Variants in MIA2 observed in about 807,000 individuals in gnomAD.
MIA2 encodes MIA SH3 domain ER export factor 2.
A neutral mutation model predicts 167.8 loss-of-function variants in MIA2; 127 were observed. The ratio of observed to expected loss-of-function variants is 0.76; its 90% confidence interval spans 0.66 to 0.88. The LOEUF is 0.88. Ranked by LOEUF, MIA2 falls within the 40% of genes least tolerant of loss-of-function variation. The probability of loss-of-function intolerance (pLI) is 0.00; values close to 1 mark genes in which losing one functional copy is unlikely to be tolerated. For synonymous variants in MIA2, 552 were observed against 541.9 expected, an observed-to-expected ratio of 1.02 and a Z score of -0.26; for missense variants, 1,690 against 1,624.7, an observed-to-expected ratio of 1.04 and a Z score of -0.69.
Position 39,318,395 on chromosome 14 carries a change from C to T in MIA2, c.3284+384C>T, listed in dbSNP as rs115732534. On this transcript the variant is annotated intron_variant, in intron 22 of 28. Transcript: ENST00000640607. ...TAATATTCATTAATTTCTCTCATTT[C>T]CTGGTTTTGTAGTATTGGGTGACAT... 7.0e-3 allele frequency among the ~76,000 whole-genome samples: 1,058 copies of T among 152,084 alleles called. 8 individuals are homozygous for T. The highest frequency in any genetic ancestry group is 0.019 in the African/African-American group (806 of 41,504).
At chr14:39,328,258 A>G (rs964546288) in intron 25 of MIA2, among the ~76,000 whole-genome samples, 15 of 152,176 alleles carry the variant, frequency 9.9e-5, no homozygotes, top group African/African-American at 3.4e-4. Context: ...TTGGCTGCAT[A>G]AATGTCTTCT....
intron 19 of MIA2, 38 bp downstream of exon 19, chr14:39,313,479 G>A: frequency 8.4e-7 from 1 of 1,189,492 alleles, no homozygotes. Flanking sequence ...TTTTGGAATG[G>A]GAAGAGTATC....
exon 24 of MIA2, chr14:39,387,012 G>A: frequency 1.3e-6 from 1 of 747,094 alleles, no homozygotes; most frequent in Non-Finnish European, 2.3e-6. Context: ...CTGTTCAAGT[G>A]GAACAGAAGC....
At chr14:39,241,766 G>A (rs924056454) in intron 3 of MIA2, among the ~76,000 whole-genome samples, 1 of 152,162 alleles carries the variant, frequency 6.6e-6, no homozygotes, top group African/African-American at 2.4e-5. Flanking sequence ...GCCCTTTAGT[G>A]GCTTTTCACT....
chr14:39,349,416 A>G (rs1299541928), intron 28 of MIA2, among the ~76,000 whole-genome samples: 1 of 152,204 alleles, frequency 6.6e-6, no homozygotes, highest in African/African-American at 2.4e-5. Context: ...CTTAAAATGT[A>G]TTTATTACGT....
chr14:39,303,702 A>G (rs985167963), intron 16 of MIA2, among the ~76,000 whole-genome samples, 178 bp downstream of exon 16: 9 of 152,084 alleles, frequency 5.9e-5, no homozygotes, highest in African/African-American at 1.9e-4. Context: ...TTAGAAATTT[A>G]TATAATTTTT....
rs1169143679 is a variant in MIA2 at position 39,236,940 on chromosome 14, C to T, written c.134C>T (p.Ser45Leu). 1.9e-6 allele frequency: 3 copies of T among 1,612,112 alleles called. No homozygotes were observed. The African/African-American group carries it at 4.0e-5, about 22-fold the overall frequency. Reference protein sequence around the residue: ...LECEALINRVSAMRDYRGPDC... With the variant: ...LECEALINRVLAMRDYRGPDC... Reference sequence around the variant, plus strand: ...TACATAGCTTTAATAAACAGAGTCTCAGCCATGAGAGATTATAGAGGACCT... The same window carrying T: ...TACATAGCTTTAATAAACAGAGTCTTAGCCATGAGAGATTATAGAGGACCT... Residue 45 changes from serine to leucine, a missense_variant, in exon 2 of 29, where the codon TCA (serine) becomes TTA (leucine). Transcript: ENST00000640607.
intron 9 of MIA2, among the ~76,000 whole-genome samples, chr14:39,284,462 A>G (rs2059347926): frequency 1.3e-5 from 2 of 152,198 alleles, no homozygotes; most frequent in African/African-American, 4.8e-5. Flanking sequence ...GCTTTGGAAT[A>G]TAATTTAAAA....
downstream of MIA2, chr14:39,350,955 T>C (rs1056337214): frequency 2.2e-5 from 2 of 91,086 alleles, no homozygotes; most frequent in African/African-American, 1.5e-4. Flanking sequence ...ACGGTTTCTT[T>C]ATTGCTTTTT....
At chr14:39,267,418 G>T (rs758037941) in intron 6 of MIA2, 2 of 1,609,836 alleles carry the variant, frequency 1.2e-6, no homozygotes, top group South Asian at 2.2e-5. Flanking sequence ...GGCCCCGACA[G>T]GCCGGGGTTA....
intron 27 of MIA2, 35 bp from the exon 28 acceptor site, chr14:39,348,708 T>C (rs2073921230): frequency 6.2e-7 from 1 of 1,608,872 alleles, no homozygotes; most frequent in Non-Finnish European, 8.5e-7. Context: ...GCAAATTTAC[T>C]GTTTTAGTGA....
Position 39,387,025 on chromosome 14 carries a change from G to A in MIA2, c.*73G>A, listed in dbSNP as rs1291892545. The A allele has an allele frequency of 5.0e-5, 37 of 739,308 alleles. No individual in the cohort carries two copies. The South Asian group carries it at 5.7e-4, about 11-fold the overall frequency. 45.8% of individuals were successfully genotyped at this position (739,308 alleles called of 1,614,324 possible). The stretch of plus-strand genomic sequence containing the variant: ...ATCTGTTCAAGTGGAACAGAAGCCA[G>A]AAGGCCCTACAGTGCCGGGTAGCTG... On this transcript the variant is annotated 3_prime_UTR_variant, in exon 24 of 24. Coordinates refer to the MIA2 transcript ENST00000341502.
chr14:39,371,674 T>C (rs1446544726), intron 23 of MIA2, among the ~76,000 whole-genome samples: 3 of 152,248 alleles, frequency 2.0e-5, no homozygotes, highest in Non-Finnish European at 4.4e-5. Context: ...TGTTATACAT[T>C]GTGTTAGGTT....
Position 39,279,443 on chromosome 14 carries a change from T to G in MIA2, c.2042-6T>G. The G allele has an allele frequency of 6.2e-7, 1 of 1,604,392 alleles. No individual in the cohort carries two copies. The highest frequency in any genetic ancestry group is 8.5e-7 in the Non-Finnish European group (1 of 1,177,702). On this transcript the variant is annotated splice_region_variant and splice_polypyrimidine_tract_variant and intron_variant, in intron 8 of 28. Coordinates refer to ENST00000640607, the MANE Select transcript of MIA2 (RefSeq NM_001329214.4). ...ACTCATGGTAATATTGACTTGACTTTTTTAGGACGAGAGAAAAAGCTTGCT... is the reference window on the plus strand; with the variant it reads ...ACTCATGGTAATATTGACTTGACTTGTTTAGGACGAGAGAAAAAGCTTGCT...
At chr14:39,334,028 T>A (rs764917143) in intron 25 of MIA2, among the ~76,000 whole-genome samples, 5 of 152,180 alleles carry the variant, frequency 3.3e-5, no homozygotes, top group Non-Finnish European at 7.3e-5. Flanking sequence ...GTTCCAAAAT[T>A]TATGATGAGT....
chr14:39,296,718 CT>C (rs1331840889), intron 13 of MIA2, among the ~76,000 whole-genome samples: 1 of 150,402 alleles, frequency 6.6e-6, no homozygotes. Flanking sequence ...ATGTGCCATG[CT>C]GGTGCGCTGC....
chr14:39,298,353 C>A (rs1373939021), intron 13 of MIA2, among the ~76,000 whole-genome samples: 2 of 146,306 alleles, frequency 1.4e-5, no homozygotes, highest in African/African-American at 5.0e-5. Context: ...GACCTAATCA[C>A]CAAATGTGAA....
At chr14:39,386,284 G>A in intron 23 of MIA2, 1 of 1,461,242 alleles carries the variant, frequency 6.8e-7, no homozygotes, top group Non-Finnish European at 9.6e-7. Context: ...ATTTCTCTGA[G>A]GAATTTCTGG....
At chr14:39,293,648 G>T (rs1438710155) in intron 11 of MIA2, among the ~76,000 whole-genome samples, 1 of 152,050 alleles carries the variant, frequency 6.6e-6, no homozygotes, top group Non-Finnish European at 1.5e-5. Flanking sequence ...TGTCCATAGT[G>T]TATATTTGTA....
Sources: allele counts gnomAD v4.1 joint callset (sites outside exome capture counted in the v4.1 genomes callset), GRCh38; gene constraint gnomAD v4.1.1; transcripts MANE v1.5; gene names NCBI Gene and HGNC (gene_info 2026-07-23, HGNC 2026-07-21).